The following THSD4 variants were observed in gnomAD, a reference collection of about 807,000 sequenced individuals.
THSD4 encodes the protein thrombospondin type-1 domain-containing protein 4.
In THSD4, 69 loss-of-function variants were observed where a neutral mutation model predicts 119.0. The ratio of observed to expected loss-of-function variants is 0.58; its 90% CI spans 0.48 to 0.71. The LOEUF is 0.71. THSD4 is among the 30% of genes least tolerant of loss of function. The pLI, the probability that THSD4 is intolerant of heterozygous loss-of-function variation, is 0.00. For synonymous variants in THSD4, 524 were observed against 540.4 expected (o/e 0.97, Z 0.42); for missense variants, 1,393 against 1,391.1 (o/e 1.00, Z -0.02).
At position 71,152,677 on chromosome 15, in the gene THSD4, G is replaced by T. The variant is rs575486412; in HGVS notation, c.30-2186G>T. Among the ~76,000 whole-genome samples the T allele has an allele frequency of 9.9e-5, 15 of 152,230 alleles. No homozygotes were observed. The South Asian group carries it at 3.1e-3, about 32-fold the overall frequency. On this transcript the variant is annotated intron_variant, in intron 2 of 17. Coordinates refer to ENST00000261862, the MANE Select transcript of THSD4 (RefSeq NM_024817.3). Reference sequence around the variant, plus strand: ...GGTAACTGGCAAAGACGTTCCCAGCGGGACTGGTGTTCCTTGTAATCTGGT... The same window carrying T: ...GGTAACTGGCAAAGACGTTCCCAGCTGGACTGGTGTTCCTTGTAATCTGGT...
At chr15:71,650,131 C>T (rs2051055202) in intron 7 of THSD4, among the ~76,000 whole-genome samples, 2 of 152,158 alleles carry the variant, frequency 1.3e-5, no homozygotes, top group Non-Finnish European at 2.9e-5. Flanking sequence ...AGCATGTGAG[C>T]CTAATCCACC....
rs151198386 is a variant in THSD4, at chr15:71,317,712, G to A, written c.1015+60997G>A. On this transcript the variant is annotated intron_variant, in intron 6 of 17. Coordinates refer to ENST00000261862, the MANE Select transcript of THSD4 (RefSeq NM_024817.3). ...TTCCAAGGAAGAGGCTGCCTGTGTA[G>A]GGGGACAGTGGGATAGTTGAGGACT... Among the ~76,000 whole-genome samples, 12 of 152,290 alleles carry A rather than the reference G, an allele frequency of 7.9e-5. No homozygotes were observed. The East Asian group carries it at 2.1e-3, about 27-fold the overall frequency.
intron 7 of THSD4, among the ~76,000 whole-genome samples, chr15:71,518,298 A>G (rs1172056933): frequency 6.6e-6 from 1 of 151,838 alleles, no homozygotes; most frequent in East Asian, 1.9e-4. Flanking sequence ...GATACCTTGG[A>G]AATTTTTATC....
At chr15:71,456,722 G>C (rs935026627) in intron 7 of THSD4, among the ~76,000 whole-genome samples, 2 of 151,958 alleles carry the variant, frequency 1.3e-5, no homozygotes, top group African/African-American at 4.8e-5. Flanking sequence ...GAATGGGGAG[G>C]CAAAACTTCT....
At chr15:71,262,492 T>G (rs181084734) in intron 6 of THSD4, among the ~76,000 whole-genome samples, 1 of 152,208 alleles carries the variant, frequency 6.6e-6, no homozygotes, top group Non-Finnish European at 1.5e-5. Flanking sequence ...CCTGTTTTCA[T>G]GCCAAGGGTA....
intron 6 of THSD4, among the ~76,000 whole-genome samples, chr15:71,265,496 G>A (rs1292590472): frequency 1.3e-5 from 2 of 152,148 alleles, no homozygotes; most frequent in African/African-American, 4.8e-5. Flanking sequence ...ACACCACCAG[G>A]GCCCTGGGTT....
chr15:71,256,573 G>T (rs773001641), intron 5 of THSD4, 40 bp from the exon 6 acceptor site: 7 of 1,560,484 alleles, frequency 4.5e-6, no homozygotes, highest in African/African-American at 4.1e-5. Flanking sequence ...GCTATGAAAA[G>T]TATGGACACT....
intron 3 of THSD4, among the ~76,000 whole-genome samples, chr15:71,158,407 C>T (rs553615211): frequency 2.4e-4 from 37 of 152,168 alleles, no homozygotes; most frequent in African/African-American, 8.9e-4. Flanking sequence ...CCCACCTCGG[C>T]CTTCCAAAGT....
Position 71,783,122 on chromosome 15 carries a change from C to A in THSD4, c.*5748C>A, listed in dbSNP as rs377637552. The A allele has an allele frequency of 1.2e-4, 18 of 152,248 alleles. No individual in the cohort carries two copies. Among genetic ancestry groups the A allele is most frequent in the African/African-American group, 4.1e-4 (17 of 41,528 alleles). 9.4% of individuals were successfully genotyped at this position (152,248 alleles called of 1,614,324 possible). On this transcript the variant is annotated 3_prime_UTR_variant, in exon 18 of 18. Coordinates refer to ENST00000261862, the MANE Select transcript of THSD4 (RefSeq NM_024817.3). ...ATACTCCGTCACCTCCATGTCCCCT[C>A]TACAGTGTTAAATTATTACATAAGC...
intron 7 of THSD4, among the ~76,000 whole-genome samples, chr15:71,492,652 C>T (rs1371949907): frequency 6.6e-6 from 1 of 152,098 alleles, no homozygotes; most frequent in Non-Finnish European, 1.5e-5. Flanking sequence ...ACTCCATGAG[C>T]CTGAAAGAAG....
intron 7 of THSD4, among the ~76,000 whole-genome samples, chr15:71,600,590 T>A (rs1227127121): frequency 6.6e-6 from 1 of 152,200 alleles, no homozygotes; most frequent in Non-Finnish European, 1.5e-5. Context: ...AACTGGTTCA[T>A]GTTATGCAGT....
intron 4 of THSD4, among the ~76,000 whole-genome samples, chr15:71,221,149 T>G (rs2043972567): frequency 6.6e-6 from 1 of 152,178 alleles, no homozygotes; most frequent in Admixed American, 6.5e-5. Flanking sequence ...GACTCCTTGG[T>G]AGGGGAGACT....
chr15:71,314,229 G>A (rs2045154721), intron 6 of THSD4, among the ~76,000 whole-genome samples: 1 of 151,856 alleles, frequency 6.6e-6, no homozygotes. Context: ...TTTGATTTAG[G>A]CTGAAGGAAC....
rs200915370 is a variant in THSD4 at position 71,685,202 on chromosome 15, T to A, written c.1357+24468T>A. On this transcript the variant is annotated intron_variant, in intron 8 of 17. Coordinates refer to ENST00000261862, the MANE Select transcript of THSD4 (RefSeq NM_024817.3). ...GATTTCTACCTTGGTTTCCTCTTTTTAAAAAAAAAAGAAATAAGAGTATTT... is the reference window on the plus strand; with the variant it reads ...GATTTCTACCTTGGTTTCCTCTTTTAAAAAAAAAAAGAAATAAGAGTATTT... 2.5e-4 allele frequency among the ~76,000 whole-genome samples: 37 copies of A among 149,252 alleles called. No individual in the cohort carries two copies. The South Asian group carries it at 3.0e-3, about 12-fold the overall frequency.
At chr15:71,172,598 T>A (rs977783078) in intron 3 of THSD4, among the ~76,000 whole-genome samples, 5 of 146,784 alleles carry the variant, frequency 3.4e-5, no homozygotes, top group African/African-American at 1.0e-4. Flanking sequence ...TATTATTAGC[T>A]CCAGTAATCA....
intron 5 of THSD4, among the ~76,000 whole-genome samples, chr15:71,252,595 C>T (rs1443571381): frequency 1.3e-5 from 2 of 152,180 alleles, no homozygotes; most frequent in Non-Finnish European, 2.9e-5. Flanking sequence ...GGACCCATCA[C>T]AAATTAACTT....
At chr15:71,590,652 G>C (rs1213815472) in intron 7 of THSD4, among the ~76,000 whole-genome samples, 2 of 151,772 alleles carry the variant, frequency 1.3e-5, no homozygotes, top group African/African-American at 4.8e-5. Context: ...AAACCACCAT[G>C]GAACATGTTT....
chr15:71,118,020 A>T (rs1235484021), intron 1 of THSD4, among the ~76,000 whole-genome samples: 1 of 152,090 alleles, frequency 6.6e-6, no homozygotes, highest in Non-Finnish European at 1.5e-5. Flanking sequence ...AATGAGGGAG[A>T]AATTGATTCT....
intron 4 of THSD4, among the ~76,000 whole-genome samples, chr15:71,232,541 G>A (rs1391645069): frequency 6.6e-6 from 1 of 151,988 alleles, no homozygotes; most frequent in Non-Finnish European, 1.5e-5. Flanking sequence ...GCACATGGGC[G>A]CTGGTGTTTA....
Sources: gnomAD v4.1 joint callset for allele counts (sites outside exome capture counted in the v4.1 genomes callset) on GRCh38, gnomAD v4.1.1 for gene constraint, MANE v1.5 for transcripts, NCBI Gene and HGNC (gene_info 2026-07-23, HGNC 2026-07-21) for gene names.